UBE3C: variants seen among roughly 807,000 people sequenced by gnomAD.
UBE3C encodes ubiquitin-protein ligase E3C.
Under a neutral mutation model 129.4 loss-of-function variants are expected in UBE3C, and 42 were observed. That is an observed-to-expected ratio of 0.32 (90% CI 0.25 to 0.42). UBE3C has a LOEUF of 0.42. Ranked by LOEUF, UBE3C falls within the 10% of genes least tolerant of loss-of-function variation. The pLI, the probability that UBE3C is intolerant of heterozygous loss-of-function variation, is 1.00. For synonymous variants in UBE3C, 510 were observed against 492.4 expected, an observed-to-expected ratio of 1.04 and a Z score of -0.47; for missense variants, 1,049 against 1,319.1, an observed-to-expected ratio of 0.80 and a Z score of 3.17.
At position 157,169,036 on chromosome 7, in the gene UBE3C, T is replaced by C. The variant is rs748931373; in HGVS notation, c.121-12T>C. 72 of 1,611,734 alleles carry C rather than the reference T, an allele frequency of 4.5e-5. 1 individual carries two copies. In the Admixed American group the frequency reaches 6.2e-4, roughly 14 times the overall value. Reference sequence around the variant, plus strand: ...GACCAATTGCTCCCTCACTCCTCCTTTTATTGTTTAGGAAGAAAGGCGAAG... The same window carrying C: ...GACCAATTGCTCCCTCACTCCTCCTCTTATTGTTTAGGAAGAAAGGCGAAG... On this transcript the variant is annotated splice_polypyrimidine_tract_variant and intron_variant, in intron 2 of 22. Transcript: ENST00000348165.
intron 5 of UBE3C, among the ~76,000 whole-genome samples, chr7:157,176,524 C>T (rs183504571): frequency 1.4e-3 from 209 of 152,368 alleles, no homozygotes; most frequent in African/African-American, 4.7e-3. Context: ...ATCCGCCTGC[C>T]TTGGCCTCCC....
intron 10 of UBE3C, among the ~76,000 whole-genome samples, chr7:157,201,056 G>A (rs1474530312): frequency 6.6e-6 from 1 of 152,158 alleles, no homozygotes; most frequent in Admixed American, 6.5e-5. Flanking sequence ...AGGTGCAGTG[G>A]CACACACCTG....
chr7:157,224,693 A>G (rs937578912), intron 16 of UBE3C, among the ~76,000 whole-genome samples: 1 of 151,896 alleles, frequency 6.6e-6, no homozygotes, highest in African/African-American at 2.4e-5. Flanking sequence ...TTTTAGGCCT[A>G]TACACTCTAT....
intron 2 of UBE3C, among the ~76,000 whole-genome samples, chr7:157,166,559 G>A (rs1033255682): frequency 6.6e-6 from 1 of 151,658 alleles, no homozygotes; most frequent in African/African-American, 2.4e-5. Flanking sequence ...TGACCAACAT[G>A]AAGAAACCCC....
At chr7:157,245,648 A>G (rs1796452530) in intron 18 of UBE3C, among the ~76,000 whole-genome samples, 1 of 152,212 alleles carries the variant, frequency 6.6e-6, no homozygotes, top group African/African-American at 2.4e-5. Flanking sequence ...TCAAATCAGA[A>G]ATAAAAGCAC....
chr7:157,232,332 G>A (rs922865634), intron 18 of UBE3C, among the ~76,000 whole-genome samples: 1 of 152,122 alleles, frequency 6.6e-6, no homozygotes, highest in Non-Finnish European at 1.5e-5. Flanking sequence ...ATAAAGTTGA[G>A]TATTCAGGAA....
At chr7:157,244,745 ATAAT>A (rs1237388170) in intron 18 of UBE3C, among the ~76,000 whole-genome samples, 1 of 152,374 alleles carries the variant, frequency 6.6e-6, no homozygotes, top group East Asian at 1.9e-4. Flanking sequence ...GGCTTCTACT[ATAAT>A]TAATCCTTTT....
chr7:157,187,146 A>G (rs544850115), intron 10 of UBE3C, 125 bp downstream of exon 10: 31 of 1,157,602 alleles, frequency 2.7e-5, no homozygotes, highest in Non-Finnish European at 3.3e-5. Context: ...AGGATATTCT[A>G]CTGTCCAAGC....
chr7:157,142,586 A>C (rs1000499239), intron 1 of UBE3C, among the ~76,000 whole-genome samples: 1 of 152,168 alleles, frequency 6.6e-6, no homozygotes, highest in South Asian at 2.1e-4. Flanking sequence ...GGGTGTGTGG[A>C]GTACATGTAG....
At chr7:157,202,173 A>G (rs1247263880) in intron 11 of UBE3C, among the ~76,000 whole-genome samples, 2 of 152,376 alleles carry the variant, frequency 1.3e-5, no homozygotes, top group African/African-American at 4.8e-5. Context: ...ACATTAGAAC[A>G]GTGTAGAAGT....
At chr7:157,262,810 C>T (rs1434039294) in intron 22 of UBE3C, among the ~76,000 whole-genome samples, 2 of 152,126 alleles carry the variant, frequency 1.3e-5, no homozygotes, top group East Asian at 3.9e-4. Flanking sequence ...GAAACAAAAT[C>T]CAACTGAAAT....
chr7:157,245,264 G>A (rs932063064), intron 18 of UBE3C, among the ~76,000 whole-genome samples: 4 of 152,202 alleles, frequency 2.6e-5, no homozygotes, highest in Non-Finnish European at 5.9e-5. Flanking sequence ...CTGGTTTATT[G>A]TTACTAATGC....
chr7:157,257,165 T>C (rs964746642), intron 22 of UBE3C, 121 bp downstream of exon 22: 11 of 1,353,768 alleles, frequency 8.1e-6, no homozygotes, highest in Non-Finnish European at 1.1e-5. Context: ...TTCAGCTAGA[T>C]TTTTAATTAA....
At chr7:157,177,249 A>G (rs1376026802) in intron 5 of UBE3C, among the ~76,000 whole-genome samples, 3 of 152,188 alleles carry the variant, frequency 2.0e-5, no homozygotes, top group African/African-American at 7.2e-5. Flanking sequence ...CTGGATTACT[A>G]ATGATGACGG....
chr7:157,163,082 G>A (rs1808114491), intron 1 of UBE3C, among the ~76,000 whole-genome samples: 1 of 152,008 alleles, frequency 6.6e-6, no homozygotes, highest in Non-Finnish European at 1.5e-5. Flanking sequence ...ATATGCAGCT[G>A]TTAGAAATGA....
chr7:157,231,266 A>C lies in UBE3C; in HGVS notation c.2420A>C (p.Gln807Pro). Residue 807 changes from glutamine (Q) to proline (P), a missense_variant, in exon 18 of 23, where the codon CAG becomes CCG. Coordinates refer to ENST00000348165, the MANE Select transcript of UBE3C (RefSeq NM_014671.3). ...CTTCTGTACCCCAACCCGGCTGCTC[A>C]GATGCTTGTGGGAGATTCTTTTGCC... The part of the protein sequence containing the change: ...EGLLYPNPAA[Q>P]MLVGDSFARH... 6.2e-7 allele frequency: 1 copy of C among 1,614,190 alleles called. No homozygotes were observed.
chr7:157,163,768 GA>G (rs768158990), intron 1 of UBE3C, 41 bp from the exon 2 acceptor site: 22 of 1,590,366 alleles, frequency 1.4e-5, no homozygotes, highest in African/African-American at 1.4e-5. Context: ...TTTTAAAATT[GA>G]AATTATAACC....
At position 157,207,391 on chromosome 7, in the gene UBE3C, A is replaced by T; in HGVS notation, c.1419-7A>T. 1.3e-6 allele frequency: 2 copies of T among 1,597,110 alleles called. No individual in the cohort carries two copies. Among genetic ancestry groups the T allele is most frequent in the Non-Finnish European group, 1.7e-6 (2 of 1,176,558 alleles). ...ACTGGTTTTTTTCTTCTTTTCTTTAATTCAAGGTCTATGGTACCGTTGCTT... is the reference window on the plus strand; with the variant it reads ...ACTGGTTTTTTTCTTCTTTTCTTTATTTCAAGGTCTATGGTACCGTTGCTT... On this transcript the variant is annotated splice_polypyrimidine_tract_variant and splice_region_variant and intron_variant, in intron 11 of 22. Transcript: ENST00000348165.
At chr7:157,195,266 T>C (rs1809086358) in intron 10 of UBE3C, among the ~76,000 whole-genome samples, 1 of 152,210 alleles carries the variant, frequency 6.6e-6, no homozygotes, top group Non-Finnish European at 1.5e-5. Flanking sequence ...CCATGACATA[T>C]GTAAGAGACC....
Sources: allele counts gnomAD v4.1 joint callset (sites outside exome capture counted in the v4.1 genomes callset), GRCh38; gene constraint gnomAD v4.1.1; transcripts MANE v1.5; gene names NCBI Gene and HGNC (gene_info 2026-07-23, HGNC 2026-07-21).